Variants in NAV2 observed in about 807,000 individuals in gnomAD.
NAV2 encodes neuron navigator 2, also known as helicase, APC down-regulated 1.
A neutral mutation model predicts 223.2 loss-of-function variants in NAV2; 54 were observed. The observed-to-expected ratio is 0.24, with a 90% CI of 0.19 to 0.30. NAV2 has a LOEUF of 0.30. NAV2 is among the 10% of genes least tolerant of loss of function. NAV2 has a pLI of 1.00. For synonymous variants in NAV2, 1,279 were observed against 1,239.3 expected (o/e 1.03, Z -0.67); for missense variants, 2,806 against 3,147.5 (o/e 0.89, Z 2.60).
intron 1 of NAV2, among the ~76,000 whole-genome samples, chr11:19,424,400 T>C (rs1348652816): frequency 1.3e-5 from 2 of 152,208 alleles, no homozygotes; most frequent in African/African-American, 4.8e-5. Flanking sequence ...GATATTTCTT[T>C]GAGGGCCAAG....
chr11:19,376,443 AG>A (rs1848643765), intron 1 of NAV2, among the ~76,000 whole-genome samples: 1 of 152,176 alleles, frequency 6.6e-6, no homozygotes, highest in South Asian at 2.1e-4. Flanking sequence ...GCAGAGGAGG[AG>A]ACGAGGGCAC....
At chr11:19,570,805 T>C (rs1467996400) in intron 1 of NAV2, among the ~76,000 whole-genome samples, 1 of 152,162 alleles carries the variant, frequency 6.6e-6, no homozygotes, top group Non-Finnish European at 1.5e-5. Context: ...TCTGAGGACA[T>C]GGGGAAATTA....
At chr11:19,989,608 A>G (rs2584847) in intron 11 of NAV2, among the ~76,000 whole-genome samples, 20,142 of 152,240 alleles carry the variant, frequency 0.13, 1,815 homozygotes, top group East Asian at 0.5. Flanking sequence ...ATATAAACTT[A>G]TATCAGAAGG....
chr11:19,389,769 A>C (rs1186462738), intron 1 of NAV2, among the ~76,000 whole-genome samples: 1 of 152,146 alleles, frequency 6.6e-6, no homozygotes, highest in Admixed American at 6.5e-5. Flanking sequence ...CAGACATCTC[A>C]TGTGTGTTCC....
At chr11:20,081,943 G>C (rs1165544018) in intron 25 of NAV2, among the ~76,000 whole-genome samples, 4 of 152,134 alleles carry the variant, frequency 2.6e-5, no homozygotes, top group African/African-American at 9.7e-5. Flanking sequence ...TCATTAAAAT[G>C]TTTAGGTATC....
At chr11:19,548,945 G>A (rs946323853) in intron 1 of NAV2, among the ~76,000 whole-genome samples, 4 of 150,532 alleles carry the variant, frequency 2.7e-5, no homozygotes, top group Admixed American at 6.6e-5. Flanking sequence ...AAGCTATTAA[G>A]TAGAGGTGAT....
At chr11:19,619,262 G>C (rs1331491884) in intron 1 of NAV2, among the ~76,000 whole-genome samples, 11 of 2,732 alleles carry the variant, frequency 4.0e-3, no homozygotes, top group Non-Finnish European at 0.028. Flanking sequence ...ATAATCCTTT[G>C]GGTATATAAC....
chr11:19,382,597 C>G (rs868499705), intron 1 of NAV2, among the ~76,000 whole-genome samples: 1 of 152,172 alleles, frequency 6.6e-6, no homozygotes, highest in East Asian at 1.9e-4. Context: ...GAGGAAACTG[C>G]GGCCCGAAGT....
At chr11:19,907,658 T>C (rs1290453024) in intron 6 of NAV2, among the ~76,000 whole-genome samples, 3 of 152,190 alleles carry the variant, frequency 2.0e-5, no homozygotes, top group Admixed American at 1.3e-4. Flanking sequence ...TTTGGCGGAG[T>C]TTTAAACAAA....
chr11:19,752,163 C>T (rs2053876510), intron 1 of NAV2, among the ~76,000 whole-genome samples: 1 of 152,152 alleles, frequency 6.6e-6, no homozygotes, highest in Admixed American at 6.5e-5. Context: ...AGGTGACTGT[C>T]CCTGTGTCAT....
At chr11:19,691,014 A>G (rs2049157579) in intron 1 of NAV2, among the ~76,000 whole-genome samples, 1 of 152,224 alleles carries the variant, frequency 6.6e-6, no homozygotes, top group African/African-American at 2.4e-5. Context: ...GCTAGCCCAG[A>G]GCTTCTGAAA....
chr11:19,437,769 C>T (rs1472632383), intron 1 of NAV2, among the ~76,000 whole-genome samples: 1 of 152,180 alleles, frequency 6.6e-6, no homozygotes, highest in Non-Finnish European at 1.5e-5. Flanking sequence ...TCAAATGTTT[C>T]TACCCATTAT....
intron 1 of NAV2, among the ~76,000 whole-genome samples, chr11:19,434,515 A>C (rs1400307908): frequency 6.6e-6 from 1 of 152,254 alleles, no homozygotes; most frequent in Non-Finnish European, 1.5e-5. Flanking sequence ...AAAGGAGCTG[A>C]GTTGCCACCA....
chr11:19,553,851 G>A (rs769022818), intron 1 of NAV2, among the ~76,000 whole-genome samples: 7 of 152,250 alleles, frequency 4.6e-5, no homozygotes, highest in Non-Finnish European at 1.0e-4. Context: ...CTCTGTGCCA[G>A]CCGGGTAGTC....
At chr11:19,539,359 G>T (rs1037566419) in intron 1 of NAV2, among the ~76,000 whole-genome samples, 2 of 152,172 alleles carry the variant, frequency 1.3e-5, no homozygotes, top group Non-Finnish European at 2.9e-5. Flanking sequence ...TCTCCCACTT[G>T]ATAAAAAGTA....
At chr11:19,427,938 A>G (rs2133566548) in intron 1 of NAV2, among the ~76,000 whole-genome samples, 1 of 151,862 alleles carries the variant, frequency 6.6e-6, no homozygotes, top group South Asian at 2.1e-4. Context: ...TTGAATCTGC[A>G]TCCCCCCGCT....
chr11:19,976,822 G>A (rs1453041441), intron 10 of NAV2, among the ~76,000 whole-genome samples: 2 of 152,168 alleles, frequency 1.3e-5, no homozygotes, highest in African/African-American at 4.8e-5. Context: ...AAGAAACTTT[G>A]CAGCAGTGCA....
intron 35 of NAV2, 51 bp from the exon 36 acceptor site, chr11:20,107,613 C>T (rs781494956): frequency 7.1e-6 from 10 of 1,411,074 alleles, no homozygotes; most frequent in East Asian, 4.5e-5. Flanking sequence ...ACCTGATGCC[C>T]CATCACCCAT....
chr11:20,024,443 A>G (rs1422271274), intron 11 of NAV2, among the ~76,000 whole-genome samples: 1 of 152,050 alleles, frequency 6.6e-6, no homozygotes, highest in Admixed American at 6.5e-5. Flanking sequence ...GTGCCCTGGA[A>G]CTCTGGGTCT....
Sources: allele counts gnomAD v4.1 joint callset (sites outside exome capture counted in the v4.1 genomes callset), GRCh38; gene constraint gnomAD v4.1.1; transcripts MANE v1.5; gene names NCBI Gene and HGNC (gene_info 2026-07-23, HGNC 2026-07-21).